Variants in MBD5 observed in about 807,000 individuals in gnomAD.
MBD5 encodes the protein methyl-CpG binding domain protein 5, also known as methyl-CpG-binding domain protein 5.
A neutral mutation model predicts 117.3 loss-of-function variants in MBD5; 13 were observed. The observed-to-expected ratio is 0.11, with a 90% CI of 0.07 to 0.18. The LOEUF (loss-of-function observed/expected upper bound fraction) is 0.18, where lower values mean the gene tolerates loss of function less well. Ranked by LOEUF, MBD5 falls within the 10% of genes least tolerant of loss-of-function variation. The pLI is 1.00. For synonymous variants in MBD5, 727 were observed against 766.4 expected, an observed-to-expected ratio of 0.95 and a Z score of 0.85; for missense variants, 1,879 against 2,093.8, an observed-to-expected ratio of 0.90 and a Z score of 2.00.
chr2:148,280,520 C>T (rs1036675349), intron 3 of MBD5, among the ~76,000 whole-genome samples: 2 of 152,292 alleles, frequency 1.3e-5, no homozygotes, highest in South Asian at 2.1e-4. Flanking sequence ...CAGCCTTGAT[C>T]ATGCAGGCTC....
intron 4 of MBD5, among the ~76,000 whole-genome samples, chr2:148,357,112 A>C (rs1703400417): frequency 6.6e-6 from 1 of 152,188 alleles, no homozygotes; most frequent in Non-Finnish European, 1.5e-5. Flanking sequence ...ATGCATCCAC[A>C]TTAGAAAAGG....
intron 4 of MBD5, among the ~76,000 whole-genome samples, chr2:148,379,525 GA>G (rs963902281): frequency 1.8e-4 from 27 of 152,054 alleles, no homozygotes; most frequent in African/African-American, 6.5e-4. Context: ...TCAGTAAAAT[GA>G]CAGGAAAAGG....
At chr2:148,323,628 G>C (rs1490381789) in intron 3 of MBD5, among the ~76,000 whole-genome samples, 7 of 151,744 alleles carry the variant, frequency 4.6e-5, no homozygotes, top group Non-Finnish European at 1.0e-4. Context: ...GTGTTTTTTG[G>C]CTGCATAAAT....
chr2:148,453,044 G>A (rs986624332), intron 4 of MBD5, among the ~76,000 whole-genome samples: 4 of 152,194 alleles, frequency 2.6e-5, no homozygotes, highest in African/African-American at 4.8e-5. Context: ...CTGTATGCTA[G>A]GGATGATACC....
At chr2:148,411,512 C>CT (rs1188326755) in intron 4 of MBD5, among the ~76,000 whole-genome samples, 49,110 of 97,936 alleles carry the variant, frequency 0.5, 11,176 homozygotes, top group Non-Finnish European at 0.55. Context: ...AGCATCTGTT[C>CT]TTTTTTTTTT....
At chr2:148,235,441 C>T (rs1464864111) in intron 3 of MBD5, among the ~76,000 whole-genome samples, 4 of 152,080 alleles carry the variant, frequency 2.6e-5, no homozygotes, top group African/African-American at 9.7e-5. Flanking sequence ...TTATTAATTT[C>T]ATTCTATTTG....
intron 1 of MBD5, among the ~76,000 whole-genome samples, chr2:148,078,382 T>C (rs1396704898): frequency 6.6e-6 from 1 of 152,108 alleles, no homozygotes; most frequent in Non-Finnish European, 1.5e-5. Flanking sequence ...TACTTGTATG[T>C]CAGATTGACA....
intron 3 of MBD5, among the ~76,000 whole-genome samples, chr2:148,316,308 A>T (rs1702156532): frequency 6.6e-6 from 1 of 152,198 alleles, no homozygotes. Context: ...CTTGATACTT[A>T]TTATATAATA....
intron 4 of MBD5, among the ~76,000 whole-genome samples, chr2:148,424,451 C>T (rs1705714335): frequency 6.6e-6 from 1 of 151,714 alleles, no homozygotes; most frequent in Admixed American, 6.6e-5. Flanking sequence ...TTTAACACCC[C>T]ACTGTCAGCA....
intron 3 of MBD5, among the ~76,000 whole-genome samples, chr2:148,279,860 G>A (rs1701200147): frequency 6.6e-6 from 1 of 152,004 alleles, no homozygotes; most frequent in Admixed American, 6.6e-5. Context: ...ATAGTACACT[G>A]CAGCCTCAAA....
In MBD5 at chr2:148,257,273, G is replaced by A. The variant is rs79740063; in HGVS notation, c.-680+23878G>A. Among the ~76,000 whole-genome samples, 574 of 152,290 alleles carry A rather than the reference G, an allele frequency of 3.8e-3. 3 individuals carry two copies. The highest frequency in any genetic ancestry group is 0.013 in the African/African-American group (530 of 41,552). On this transcript the variant is annotated intron_variant, in intron 3 of 13. Transcript: ENST00000642680. ...AGGGCTTATGCCTGCTGAATAGCCC[G>A]CTTGGCTGCCAGGAAGGCAGTCTCA...
intron 4 of MBD5, among the ~76,000 whole-genome samples, chr2:148,367,005 A>G (rs984589150): frequency 1.3e-5 from 2 of 152,100 alleles, no homozygotes; most frequent in Admixed American, 6.5e-5. Flanking sequence ...ACCAAAGAAG[A>G]GCCCATATAG....
At chr2:148,390,892 A>T (rs991571600) in intron 4 of MBD5, among the ~76,000 whole-genome samples, 2 of 152,206 alleles carry the variant, frequency 1.3e-5, no homozygotes, top group African/African-American at 4.8e-5. Flanking sequence ...CAAATTTTAA[A>T]TAAAATATAC....
At chr2:148,166,537 G>A (rs900699675) in intron 1 of MBD5, among the ~76,000 whole-genome samples, 1 of 152,184 alleles carries the variant, frequency 6.6e-6, no homozygotes, top group Non-Finnish European at 1.5e-5. Context: ...AGTGCTGGCT[G>A]TTTTGATGCT....
At chr2:148,218,439 G>T (rs958844739) in intron 2 of MBD5, among the ~76,000 whole-genome samples, 2 of 152,198 alleles carry the variant, frequency 1.3e-5, no homozygotes, top group African/African-American at 4.8e-5. Flanking sequence ...ACATAGCCGA[G>T]CCCAAAGTCA....
chr2:148,460,103 A>T (rs186055459), intron 5 of MBD5: 1 of 152,176 alleles, frequency 6.6e-6, no homozygotes, highest in African/African-American at 2.4e-5. Flanking sequence ...TCTGTGTTAT[A>T]TGTTTATACT....
At chr2:148,503,904 A>G (rs1681947041) in intron 12 of MBD5, among the ~76,000 whole-genome samples, 1 of 152,210 alleles carries the variant, frequency 6.6e-6, no homozygotes, top group South Asian at 2.1e-4. Flanking sequence ...AACAGTACCC[A>G]TTTCTTTGGT....
chr2:148,335,526 T>A (rs972866279), intron 3 of MBD5, among the ~76,000 whole-genome samples: 2 of 152,014 alleles, frequency 1.3e-5, no homozygotes, highest in East Asian at 1.9e-4. Flanking sequence ...TGAGACCAGC[T>A]TGGGCAACAT....
chr2:148,318,314 T>A (rs1702202982), intron 3 of MBD5, among the ~76,000 whole-genome samples: 1 of 152,054 alleles, frequency 6.6e-6, no homozygotes, highest in South Asian at 2.1e-4. Flanking sequence ...TTTTTAATTA[T>A]TTTTCTTGTG....
Sources: allele counts gnomAD v4.1 joint callset (sites outside exome capture counted in the v4.1 genomes callset), GRCh38; gene constraint gnomAD v4.1.1; transcripts MANE v1.5; gene names NCBI Gene and HGNC (gene_info 2026-07-23, HGNC 2026-07-21).